TBC1D5: variants seen among roughly 807,000 people sequenced by gnomAD.
TBC1D5 encodes the protein TBC1 domain family, member 5.
Under a neutral mutation model 100.3 loss-of-function variants are expected in TBC1D5, and 75 were observed. The ratio of observed to expected loss-of-function variants is 0.75; its 90% CI spans 0.62 to 0.91. The LOEUF (loss-of-function observed/expected upper bound fraction) is 0.91. TBC1D5 is among the 40% of genes least tolerant of loss of function. The probability of loss-of-function intolerance (pLI) is 0.00; values close to 1 mark genes in which losing one functional copy is unlikely to be tolerated. For missense variants in TBC1D5, 910 were observed against 942.4 expected, an observed-to-expected ratio of 0.97 and a Z score of 0.45; for synonymous variants, 323 against 325.6, an observed-to-expected ratio of 0.99 and a Z score of 0.09.
At chr3:17,290,680 G>T (rs890878365) in intron 15 of TBC1D5, among the ~76,000 whole-genome samples, 13 of 151,904 alleles carry the variant, frequency 8.6e-5, no homozygotes, top group Non-Finnish European at 1.9e-4. Context: ...GGGGGTGTAG[G>T]GAGTATATAG....
chr3:17,528,325 G>A (rs997513537), intron 2 of TBC1D5, among the ~76,000 whole-genome samples: 55 of 152,270 alleles, frequency 3.6e-4, no homozygotes, highest in African/African-American at 1.3e-3. Context: ...AAGGGCTGGA[G>A]GGAACTAGCT....
chr3:17,719,860 G>A (rs1360626504), intron 1 of TBC1D5, among the ~76,000 whole-genome samples: 1 of 152,030 alleles, frequency 6.6e-6, no homozygotes, highest in Non-Finnish European at 1.5e-5. Flanking sequence ...ATCTACATGT[G>A]TTTTATAGTG....
intron 9 of TBC1D5, among the ~76,000 whole-genome samples, chr3:17,378,487 C>T (rs1315309050): frequency 6.6e-6 from 1 of 151,718 alleles, no homozygotes; most frequent in African/African-American, 2.4e-5. Context: ...TTTTATTGAC[C>T]GTTTTTACTT....
intron 2 of TBC1D5, among the ~76,000 whole-genome samples, chr3:17,539,137 G>T (rs903074985): frequency 6.6e-6 from 1 of 152,154 alleles, no homozygotes; most frequent in African/African-American, 2.4e-5. Context: ...AATAAGCCAA[G>T]ATCGCACCAC....
intron 1 of TBC1D5, among the ~76,000 whole-genome samples, chr3:17,648,515 AG>A (rs2153711333): frequency 6.6e-6 from 1 of 152,364 alleles, no homozygotes; most frequent in South Asian, 2.1e-4. Context: ...GCACAGCAAA[AG>A]AAACTATTAA....
chr3:17,269,861 T>C (rs543767266), intron 15 of TBC1D5, among the ~76,000 whole-genome samples: 44 of 152,310 alleles, frequency 2.9e-4, no homozygotes, highest in African/African-American at 1.0e-3. Flanking sequence ...TTCCATGGTG[T>C]ATATGTACCA....
chr3:17,611,235 C>G (rs984378056), intron 2 of TBC1D5, among the ~76,000 whole-genome samples: 16 of 152,028 alleles, frequency 1.1e-4, no homozygotes, highest in Admixed American at 5.2e-4. Context: ...TTTGACATCT[C>G]AAAGTGAAAA....
rs918960551 is a variant in TBC1D5, at chr3:17,636,599, G to A, written c.-100-12686C>T. Among the ~76,000 whole-genome samples the A allele has an allele frequency of 4.6e-5, 7 of 151,974 alleles. 1 individual carries two copies. In the East Asian group the frequency reaches 1.4e-3, roughly 29 times the overall value. On this transcript the variant is annotated intron_variant, in intron 1 of 21. Transcript: ENST00000253692. ...AAGATCAGGAGACCGAGACCATCCT[G>A]GCTAACACGGTGAAACCCTGTCTCT...
At chr3:17,367,763 G>A (rs1259730957) in intron 13 of TBC1D5, among the ~76,000 whole-genome samples, 1 of 151,884 alleles carries the variant, frequency 6.6e-6, no homozygotes, top group African/African-American at 2.4e-5. Flanking sequence ...GGAGGCTGAG[G>A]CAGGATAATT....
At chr3:17,223,686 C>A (rs1254392774) in intron 17 of TBC1D5, among the ~76,000 whole-genome samples, 1 of 152,050 alleles carries the variant, frequency 6.6e-6, no homozygotes, top group African/African-American at 2.4e-5. Context: ...CATGGCGAAA[C>A]CCCATCTCTA....
At chr3:17,236,441 T>C (rs1427822895) in intron 17 of TBC1D5, among the ~76,000 whole-genome samples, 2 of 152,096 alleles carry the variant, frequency 1.3e-5, no homozygotes, top group Admixed American at 6.6e-5. Flanking sequence ...TTTAAAAAAA[T>C]GTGTGACAGC....
intron 2 of TBC1D5, among the ~76,000 whole-genome samples, chr3:17,541,460 G>A (rs756261906): frequency 6.6e-6 from 1 of 152,014 alleles, no homozygotes; most frequent in Non-Finnish European, 1.5e-5. Context: ...TATTGTAAAT[G>A]AAATTCCTTT....
At chr3:17,270,974 GTGTT>G (rs2079359637) in intron 15 of TBC1D5, among the ~76,000 whole-genome samples, 1 of 152,098 alleles carries the variant, frequency 6.6e-6, no homozygotes, top group Non-Finnish European at 1.5e-5. Flanking sequence ...ATTGGCTTAT[GTGTT>G]TGTTTTTGTA....
chr3:17,706,070 G>A lies in TBC1D5; in HGVS notation c.-101+33273C>T, dbSNP rs548751741. 900 of 1,599,334 alleles carry A rather than the reference G, an allele frequency of 5.6e-4. 1 individual carries two copies. Among genetic ancestry groups the A allele is most frequent in the South Asian group, 1.3e-3 (113 of 89,198 alleles). The stretch of plus-strand genomic sequence containing the variant: ...AGGTGGGAGCCTACTGATTTCCCCC[G>A]ACCCCAGACTGGGCGGCGGCCTCCA... On this transcript the variant is annotated intron_variant, in intron 1 of 21. Transcript: ENST00000253692.
chr3:17,234,677 T>G (rs1309002895), intron 17 of TBC1D5, among the ~76,000 whole-genome samples: 1 of 152,170 alleles, frequency 6.6e-6, no homozygotes, highest in Admixed American at 6.6e-5. Context: ...AAAAGCATTT[T>G]AAAAAAGCAT....
chr3:17,344,317 T>C (rs1028363888), intron 13 of TBC1D5, among the ~76,000 whole-genome samples: 3 of 152,122 alleles, frequency 2.0e-5, no homozygotes, highest in African/African-American at 4.8e-5. Context: ...CCATTCACAA[T>C]TGCTTCAAAG....
intron 1 of TBC1D5, among the ~76,000 whole-genome samples, chr3:17,626,940 T>A (rs574839771): frequency 6.6e-6 from 1 of 152,106 alleles, no homozygotes; most frequent in Non-Finnish European, 1.5e-5. Flanking sequence ...GTGGGGCCAA[T>A]GAAGGTTCCT....
chr3:17,539,041 G>A (rs930882858), intron 2 of TBC1D5, among the ~76,000 whole-genome samples: 1 of 152,110 alleles, frequency 6.6e-6, no homozygotes. Context: ...AAATTAGCCA[G>A]GCATGATGGT....
intron 2 of TBC1D5, among the ~76,000 whole-genome samples, chr3:17,557,764 T>G (rs1229555664): frequency 6.6e-6 from 1 of 152,198 alleles, no homozygotes; most frequent in Non-Finnish European, 1.5e-5. Context: ...AGGTAAATTT[T>G]TTTTAAATGT....
Sources: allele counts gnomAD v4.1 joint callset (sites outside exome capture counted in the v4.1 genomes callset), GRCh38; gene constraint gnomAD v4.1.1; transcripts MANE v1.5; gene names NCBI Gene and HGNC (gene_info 2026-07-23, HGNC 2026-07-21).